Variants in ARHGAP21 observed in about 807,000 individuals in gnomAD.
The protein encoded by ARHGAP21 is Rho GTPase activating protein 21.
A neutral mutation model predicts 164.6 loss-of-function variants in ARHGAP21; 38 were observed. The observed-to-expected ratio is 0.23, with a 90% CI of 0.18 to 0.30. The LOEUF is 0.30. Ranked by LOEUF, ARHGAP21 falls within the 10% of genes least tolerant of loss-of-function variation. The pLI is 1.00. For missense variants in ARHGAP21, 1,822 were observed against 2,370.7 expected, an observed-to-expected ratio of 0.77 and a Z score of 4.81; for synonymous variants, 766 against 857.9, an observed-to-expected ratio of 0.89 and a Z score of 1.87.
At chr10:24,615,422 A>G (rs1336535737) in intron 9 of ARHGAP21, among the ~76,000 whole-genome samples, 1 of 152,242 alleles carries the variant, frequency 6.6e-6, no homozygotes, top group Non-Finnish European at 1.5e-5. Context: ...TCTTAGAGAT[A>G]TGACAAAAGC....
At chr10:24,607,426 G>A (rs1474788057) in intron 11 of ARHGAP21, 73 bp downstream of exon 11, 2 of 1,238,760 alleles carry the variant, frequency 1.6e-6, no homozygotes, top group South Asian at 1.4e-5. Flanking sequence ...ATTAAATTCT[G>A]AACTTATGTG....
intron 11 of ARHGAP21, among the ~76,000 whole-genome samples, chr10:24,606,744 C>A (rs769307309): frequency 2.0e-5 from 3 of 152,004 alleles, no homozygotes. Flanking sequence ...GGGAGGCTGA[C>A]GCAGGAGAAT....
intron 2 of ARHGAP21, among the ~76,000 whole-genome samples, chr10:24,709,641 G>T (rs1844574901): frequency 6.6e-6 from 1 of 151,818 alleles, no homozygotes; most frequent in Non-Finnish European, 1.5e-5. Context: ...TCAGGAGACT[G>T]GACAGAAAGA....
At chr10:24,705,954 G>C (rs921404123) in intron 2 of ARHGAP21, among the ~76,000 whole-genome samples, 1 of 152,154 alleles carries the variant, frequency 6.6e-6, no homozygotes, top group Non-Finnish European at 1.5e-5. Flanking sequence ...TCTTAGGGAA[G>C]AACACTCAAA....
In ARHGAP21 at chr10:24,619,773, G is replaced by A. The variant is rs1449511400; in HGVS notation, c.2122C>T (p.Pro708Ser). 6.2e-7 allele frequency: 1 copy of A among 1,614,104 alleles called. No homozygotes were observed. The highest frequency in any genetic ancestry group is 8.5e-7 in the Non-Finnish European group (1 of 1,180,028). ...AAATCTTGATTCCTTTGACTGACAGGTAGTTCTAAATCTGAAGTACCAGCG... is the reference window on the plus strand; with the variant it reads ...AAATCTTGATTCCTTTGACTGACAGATAGTTCTAAATCTGAAGTACCAGCG... ...ENAGTSDLEL[P>S]VSQRNQDLSL... is the part of the protein sequence containing the mutation. The change falls in exon 9 of 26, where the codon CCT becomes TCT. Residue 708 changes from proline (P) to serine (S), a missense_variant. Coordinates refer to ENST00000396432, the MANE Select transcript of ARHGAP21 (RefSeq NM_020824.4).
intron 2 of ARHGAP21, among the ~76,000 whole-genome samples, chr10:24,701,695 A>G (rs368453035): frequency 1.3e-5 from 2 of 152,332 alleles, no homozygotes; most frequent in East Asian, 1.9e-4. Flanking sequence ...AGATAATGAA[A>G]GAAGGGAACA....
intron 2 of ARHGAP21, among the ~76,000 whole-genome samples, chr10:24,688,196 G>C (rs1245328160): frequency 6.6e-6 from 1 of 152,158 alleles, no homozygotes; most frequent in Non-Finnish European, 1.5e-5. Context: ...TTCGAGGCCA[G>C]CCTGGCCAAC....
intron 2 of ARHGAP21, among the ~76,000 whole-genome samples, chr10:24,682,012 T>G (rs1841811255): frequency 6.6e-6 from 1 of 151,972 alleles, no homozygotes; most frequent in South Asian, 2.1e-4. Flanking sequence ...AACATGAGGA[T>G]GATAATGACA....
At chr10:24,680,187 A>C (rs1841634982) in intron 2 of ARHGAP21, among the ~76,000 whole-genome samples, 1 of 152,186 alleles carries the variant, frequency 6.6e-6, no homozygotes, top group Admixed American at 6.5e-5. Context: ...CGATGCTAGA[A>C]TATTTTCTCT....
chr10:24,620,176 A>G lies in ARHGAP21; in HGVS notation c.1719T>C (p.Ser573=), dbSNP rs1197961924. The stretch of plus-strand genomic sequence containing the variant: ...GCGACACAGATCCCACTCCTCTACC[A>G]CTCATTCGCCTGTTATCAGAATTAA... ...SVVNSDNRRM[S]GRGVGSVSQF... The change falls in exon 9 of 26, where the codon AGT becomes AGC. Residue 573 remains serine (S), a synonymous_variant. Coordinates refer to ENST00000396432, the MANE Select transcript of ARHGAP21 (RefSeq NM_020824.4). 3 of 1,613,680 alleles carry G rather than the reference A, an allele frequency of 1.9e-6. No homozygotes were observed. The highest frequency in any genetic ancestry group is 1.3e-5 in the African/African-American group (1 of 74,854).
chr10:24,647,385 G>T (rs946910853), intron 4 of ARHGAP21, among the ~76,000 whole-genome samples: 3 of 152,146 alleles, frequency 2.0e-5, no homozygotes, highest in Non-Finnish European at 4.4e-5. Flanking sequence ...TGTTATTACT[G>T]TTCTAGCTTA....
intron 4 of ARHGAP21, among the ~76,000 whole-genome samples, chr10:24,641,767 G>A (rs185886893): frequency 2.0e-5 from 3 of 152,182 alleles, no homozygotes; most frequent in East Asian, 1.9e-4. Context: ...AGGCAGAGGC[G>A]GGTGGATCAC....
rs367683126 is a variant in ARHGAP21 at position 24,620,579 on chromosome 10, C to T, written c.1316G>A (p.Arg439His). ...VPNRTTLQGR[R>H]RSTSHDRVPQ... Reference sequence around the variant, plus strand: ...CACTCGATCATGAGAGGTGCTTCGACGTCGTCCCTGCAAAGTAGTGCGGTT... The same window carrying T: ...CACTCGATCATGAGAGGTGCTTCGATGTCGTCCCTGCAAAGTAGTGCGGTT... Residue 439 changes from arginine to histidine, a missense_variant, in exon 9 of 26, where the codon CGT becomes CAT. Arg to His is a conservative substitution (Grantham distance 29). Transcript: ENST00000396432. The T allele has an allele frequency of 1.2e-6, 2 of 1,614,162 alleles. No homozygotes were observed. The highest frequency in any genetic ancestry group is 1.1e-5 in the South Asian group (1 of 91,084).
chr10:24,708,902 C>T (rs943382549), intron 2 of ARHGAP21, among the ~76,000 whole-genome samples: 1 of 152,136 alleles, frequency 6.6e-6, no homozygotes, highest in Non-Finnish European at 1.5e-5. Flanking sequence ...AACAAACATA[C>T]AAGAGCAGAT....
chr10:24,585,444 C>T lies in ARHGAP21; in HGVS notation c.4845G>A (p.Lys1615=), dbSNP rs1375268280. Residue 1615 remains lysine (K), a synonymous_variant, in exon 26 of 26, where the codon AAG becomes AAA. Coordinates refer to ENST00000396432, the MANE Select transcript of ARHGAP21 (RefSeq NM_020824.4). ...SPEVQSVAES[K]GDEADDERSE... ...TTCTCTCGTCATCTGCCTCGTCCCC[C>T]TTGCTCTCTGCCACGGATTGCACCT... The T allele has an allele frequency of 1.2e-6, 2 of 1,614,076 alleles. No homozygotes were observed. The highest frequency in any genetic ancestry group is 1.7e-5 in the Admixed American group (1 of 60,024).
chr10:24,609,248 A>G (rs1377610753), intron 9 of ARHGAP21, among the ~76,000 whole-genome samples: 1 of 152,220 alleles, frequency 6.6e-6, no homozygotes, highest in African/African-American at 2.4e-5. Context: ...TTGTGCATGG[A>G]TTAAGCATTA....
chr10:24,665,695 A>AT (rs762597226), intron 4 of ARHGAP21, among the ~76,000 whole-genome samples: 81 of 152,368 alleles, frequency 5.3e-4, no homozygotes, highest in Non-Finnish European at 1.0e-3. Flanking sequence ...TTCACGGGTT[A>AT]TACAGTCATC....
At position 24,585,728 on chromosome 10, in the gene ARHGAP21, A is replaced by G. The variant is rs750955643; in HGVS notation, c.4561T>C (p.Phe1521Leu). ...CTGGGGCTCTCTTTCAGGATGGCAA[A>G]GCGACAGCTGAGAGTTGGTGACTTG... is the stretch of plus-strand genomic sequence containing the variant. ...HNKSPTLSCR[F>L]AILKESPRSL... Residue 1521 changes from phenylalanine (F) to leucine (L), a missense_variant, in exon 26 of 26, where the codon TTT (phenylalanine) becomes CTT (leucine). Transcript: ENST00000396432. 6 of 1,613,922 alleles carry G rather than the reference A, an allele frequency of 3.7e-6. No individual in the cohort carries two copies. Among genetic ancestry groups the G allele is most frequent in the Non-Finnish European group, 4.2e-6 (5 of 1,179,992 alleles).
chr10:24,585,216 G>A lies in ARHGAP21; in HGVS notation c.5073C>T (p.Leu1691=), dbSNP rs761215786. ...LTSSLDSRRQ[L]FSSHKLIECD... ...ATTCGATGAGTTTATGGGAACTGAA[G>A]AGCTGTCTCCGGCTATCTAAACTTG... Residue 1691 remains leucine (L), a synonymous_variant, in exon 26 of 26, where the codon CTC becomes CTT. Transcript: ENST00000396432. 7 of 1,605,814 alleles carry A rather than the reference G, an allele frequency of 4.4e-6. No individual in the cohort carries two copies. The South Asian group carries it at 6.6e-5, about 15-fold the overall frequency.
Sources: allele counts gnomAD v4.1 joint callset (sites outside exome capture counted in the v4.1 genomes callset), GRCh38; gene constraint gnomAD v4.1.1; transcripts MANE v1.5; gene names NCBI Gene and HGNC (gene_info 2026-07-23, HGNC 2026-07-21).